The following GFRA1 variants were observed in gnomAD, a reference collection of about 807,000 sequenced individuals.
The protein encoded by GFRA1 is GDNF family receptor alpha-1.
A neutral mutation model predicts 51.6 loss-of-function variants in GFRA1; 16 were observed. That is an observed-to-expected ratio of 0.31 (90% CI 0.21 to 0.47). The LOEUF is 0.47. Ranked by LOEUF, GFRA1 falls within the 20% of genes least tolerant of loss-of-function variation. GFRA1 has a pLI of 1.00. For synonymous variants in GFRA1, 270 were observed against 241.3 expected (o/e 1.12, Z -1.10); for missense variants, 530 against 594.3 (o/e 0.89, Z 1.13).
At chr10:116,269,221 C>T (rs1288554377) in intron 4 of GFRA1, among the ~76,000 whole-genome samples, 2 of 150,224 alleles carry the variant, frequency 1.3e-5, no homozygotes, top group Non-Finnish European at 3.0e-5. Flanking sequence ...AAGAGATGGC[C>T]AATCATATTT....
At chr10:116,153,086 GCCT>G (rs1959124691) in intron 5 of GFRA1, among the ~76,000 whole-genome samples, 1 of 152,076 alleles carries the variant, frequency 6.6e-6, no homozygotes, top group South Asian at 2.1e-4. Context: ...CTCCGAGGGG[GCCT>G]CCTTATTGTC....
intron 4 of GFRA1, among the ~76,000 whole-genome samples, chr10:116,264,819 T>A (rs911797133): frequency 2.6e-5 from 4 of 151,860 alleles, no homozygotes; most frequent in Non-Finnish European, 5.9e-5. Flanking sequence ...TATGCCAGAG[T>A]AAATAACAGG....
chr10:116,240,730 G>A (rs1276765286), intron 4 of GFRA1, among the ~76,000 whole-genome samples: 1 of 152,146 alleles, frequency 6.6e-6, no homozygotes, highest in African/African-American at 2.4e-5. Context: ...TAAACCGTAC[G>A]CATCTTAGCC....
At chr10:116,194,793 T>C (rs80286815) in intron 5 of GFRA1, among the ~76,000 whole-genome samples, 5,477 of 152,254 alleles carry the variant, frequency 0.036, 155 homozygotes, top group African/African-American at 0.079. Flanking sequence ...CATCAATATC[T>C]TCATCTTAAT....
intron 5 of GFRA1, among the ~76,000 whole-genome samples, chr10:116,145,497 C>T (rs1158871426): frequency 2.6e-5 from 4 of 152,000 alleles, no homozygotes; most frequent in African/African-American, 4.8e-5. Context: ...TAGTGAGAGT[C>T]GAATCATTAC....
At chr10:116,121,675 T>C (rs987547787) in intron 6 of GFRA1, among the ~76,000 whole-genome samples, 7 of 152,288 alleles carry the variant, frequency 4.6e-5, no homozygotes, top group Middle Eastern at 3.4e-3. Flanking sequence ...AAATGGAGCA[T>C]TTGAAAGTGT....
chr10:116,256,682 T>C (rs765269726), intron 4 of GFRA1, among the ~76,000 whole-genome samples: 1 of 151,972 alleles, frequency 6.6e-6, no homozygotes, highest in Non-Finnish European at 1.5e-5. Context: ...TTTAGAACAC[T>C]TGAGTTTTCA....
chr10:116,199,850 G>C (rs1358086295), intron 5 of GFRA1, among the ~76,000 whole-genome samples: 1 of 152,174 alleles, frequency 6.6e-6, no homozygotes. Flanking sequence ...CATCATCCCA[G>C]AAGATTCCCT....
intron 5 of GFRA1, among the ~76,000 whole-genome samples, chr10:116,192,683 C>A (rs1254463603): frequency 6.6e-6 from 1 of 152,152 alleles, no homozygotes; most frequent in African/African-American, 2.4e-5. Context: ...ACCCTGAGCA[C>A]ATCCTCTTAA....
chr10:116,255,517 A>C (rs57732230), intron 4 of GFRA1: 19,119 of 1,035,242 alleles, frequency 0.018, 346 homozygotes, highest in African/African-American at 0.084. Context: ...CAAAAAAAAA[A>C]ACACTAGGTT....
intron 5 of GFRA1, among the ~76,000 whole-genome samples, chr10:116,147,344 T>G (rs777875828): frequency 1.8e-4 from 28 of 152,186 alleles, no homozygotes; most frequent in Non-Finnish European, 3.2e-4. Context: ...TGACAGATCC[T>G]GTGGCAGCTG....
intron 5 of GFRA1, among the ~76,000 whole-genome samples, chr10:116,201,147 C>A (rs193048674): frequency 7.6e-4 from 115 of 151,866 alleles, no homozygotes; most frequent in African/African-American, 2.8e-3. Context: ...CATTTTTTTT[C>A]TTCTTAAGGA....
chr10:116,102,340 T>C (rs1956848357), intron 6 of GFRA1, among the ~76,000 whole-genome samples: 1 of 152,200 alleles, frequency 6.6e-6, no homozygotes, highest in South Asian at 2.1e-4. Flanking sequence ...TTGAATGTAT[T>C]GCAAGAGCAC....
intron 4 of GFRA1, among the ~76,000 whole-genome samples, chr10:116,217,425 T>C (rs556957518): frequency 6.6e-6 from 1 of 152,368 alleles, no homozygotes; most frequent in South Asian, 2.1e-4. Flanking sequence ...ATAATATTTG[T>C]TCAATCCTGG....
chr10:116,196,678 TAATATATAGTACTATATATAA>T (rs1963865527), intron 5 of GFRA1, among the ~76,000 whole-genome samples: 5 of 42,026 alleles, frequency 1.2e-4, no homozygotes, highest in African/African-American at 3.4e-4. Flanking sequence ...ATAATATATA[TAATATATAGTACTATATATAA>T]TATATATTAT....
At chr10:116,081,587 T>C (rs74936611) in intron 9 of GFRA1, among the ~76,000 whole-genome samples, 1,942 of 152,158 alleles carry the variant, frequency 0.013, 44 homozygotes, top group African/African-American at 0.045. Context: ...GTCTGAAAAA[T>C]GGGAATGATA....
intron 4 of GFRA1, among the ~76,000 whole-genome samples, chr10:116,216,795 A>T (rs1965594496): frequency 6.6e-6 from 1 of 152,168 alleles, no homozygotes; most frequent in Non-Finnish European, 1.5e-5. Context: ...TTTACAGTAA[A>T]GCACTGCGAA....
At chr10:116,098,003 C>T (rs1200586211) in intron 6 of GFRA1, among the ~76,000 whole-genome samples, 1 of 152,190 alleles carries the variant, frequency 6.6e-6, no homozygotes, top group Non-Finnish European at 1.5e-5. Context: ...TCCAAGACCG[C>T]AGTTCGCTGC....
chr10:116,249,283 G>A (rs922152735), intron 4 of GFRA1, among the ~76,000 whole-genome samples: 5 of 151,856 alleles, frequency 3.3e-5, no homozygotes, highest in African/African-American at 1.2e-4. Context: ...TGGTGTACAT[G>A]AGGCTGTGAG....
Sources: allele counts gnomAD v4.1 joint callset (sites outside exome capture counted in the v4.1 genomes callset), GRCh38; gene constraint gnomAD v4.1.1; transcripts MANE v1.5; gene names NCBI Gene and HGNC (gene_info 2026-07-23, HGNC 2026-07-21).